Variants in TEX11 observed in about 807,000 individuals in gnomAD.
TEX11 encodes testis-expressed protein 11.
In TEX11, 7 loss-of-function variants were observed where a neutral mutation model predicts 84.4. The observed-to-expected ratio is 0.08, with a 90% CI of 0.05 to 0.16. TEX11 has a LOEUF of 0.16. TEX11 is among the 10% of genes least tolerant of loss of function. TEX11 has a pLI of 1.00. For missense variants in TEX11, 551 were observed against 660.5 expected, an observed-to-expected ratio of 0.83 and a Z score of 1.82; for synonymous variants, 264 against 222.8, an observed-to-expected ratio of 1.18 and a Z score of -1.64.
rs187802243 is a variant in TEX11 at position 70,691,344 on chromosome X, C to T, written c.1005-8519G>A. On this transcript the variant is annotated intron_variant, in intron 13 of 29. Coordinates refer to ENST00000374333, the MANE Select transcript of TEX11 (RefSeq NM_031276.3). ...TATCCAAAATAATTGAAAGCAGGGT[C>T]TCGAACAGATATTTGTGCACTCATA... 1.4e-3 allele frequency among the ~76,000 whole-genome samples: 155 copies of T among 111,957 alleles called. 1 individual carries two copies. The South Asian group carries it at 0.046, about 33-fold the overall frequency.
At position 70,797,132 on chromosome X, in the gene TEX11, A is replaced by G. The variant is rs187161130; in HGVS notation, c.692+9573T>C. On this transcript the variant is annotated intron_variant, in intron 9 of 29. Transcript: ENST00000374333. ...ACTGGGGATACAGCCAAAAGAAAAC[A>G]AATTGTTGTACCAAAAAGACACATG... 5.4e-3 allele frequency among the ~76,000 whole-genome samples: 610 copies of G among 112,056 alleles called. 2 individuals carry two copies. The highest frequency in any genetic ancestry group is 0.018 in the African/African-American group (566 of 30,916).
intron 13 of TEX11, among the ~76,000 whole-genome samples, chrX:70,710,845 T>A (rs1173716011): frequency 1.8e-5 from 2 of 111,043 alleles, no homozygotes; most frequent in Non-Finnish European, 3.8e-5. Context: ...TGTGCAGGTT[T>A]GTTACATATG....
intron 8 of TEX11, among the ~76,000 whole-genome samples, chrX:70,826,300 A>C (rs2091345883): frequency 9.3e-6 from 1 of 107,709 alleles, no homozygotes; most frequent in East Asian, 3.0e-4. Context: ...AACAAGAGCG[A>C]AACTCCTTGT....
At chrX:70,862,141 G>C (rs1162258295) in intron 4 of TEX11, among the ~76,000 whole-genome samples, 1 of 111,138 alleles carries the variant, frequency 9.0e-6, no homozygotes. Context: ...ATAGGTGTGA[G>C]CCACCACACC....
At chrX:70,568,490 C>T (rs2088530549) in intron 25 of TEX11, among the ~76,000 whole-genome samples, 1 of 110,279 alleles carries the variant, frequency 9.1e-6, no homozygotes, top group Non-Finnish European at 1.9e-5. Flanking sequence ...GATGCAGTTT[C>T]TTCCTAGTCT....
chrX:70,616,668 T>C (rs1374904725), intron 20 of TEX11, among the ~76,000 whole-genome samples: 2 of 112,059 alleles, frequency 1.8e-5, no homozygotes, highest in Non-Finnish European at 3.8e-5. Context: ...GTGGTACATA[T>C]ACACAATGGA....
intron 20 of TEX11, among the ~76,000 whole-genome samples, chrX:70,621,601 TAAA>T (rs1203916255): frequency 1.4e-4 from 10 of 69,508 alleles, no homozygotes; most frequent in Admixed American, 1.1e-3. Context: ...ATATTAAACT[TAAA>T]AAATAAAATG....
intron 8 of TEX11, among the ~76,000 whole-genome samples, chrX:70,830,259 G>C (rs1199588462): frequency 1.8e-5 from 2 of 111,571 alleles, no homozygotes; most frequent in East Asian, 2.8e-4. Flanking sequence ...AAAACTTTAA[G>C]GAGAGAGAAA....
intron 28 of TEX11, among the ~76,000 whole-genome samples, chrX:70,549,441 G>A (rs2088183546): frequency 9.0e-6 from 1 of 111,591 alleles, no homozygotes; most frequent in Non-Finnish European, 1.9e-5. Context: ...CAGCCACAGT[G>A]GGTTAGAGCA....
chrX:70,521,414 T>C, the TEX11 span, among the ~76,000 whole-genome samples: 2 of 110,586 alleles, frequency 1.8e-5, no homozygotes, highest in Non-Finnish European at 3.8e-5. Context: ...ATAGCTGATA[T>C]TACAGGCGCC....
intron 5 of TEX11, among the ~76,000 whole-genome samples, chrX:70,854,284 AC>A (rs1413593071): frequency 8.9e-6 from 1 of 111,773 alleles, no homozygotes; most frequent in Non-Finnish European, 1.9e-5. Context: ...TTAGGGATCA[AC>A]AAAGCCCAAA....
intron 8 of TEX11, among the ~76,000 whole-genome samples, chrX:70,813,413 A>G (rs1218173864): frequency 8.9e-6 from 1 of 111,835 alleles, no homozygotes; most frequent in Admixed American, 9.5e-5. Context: ...TCATGCTAAA[A>G]ACTCTCAATA....
intron 13 of TEX11, among the ~76,000 whole-genome samples, chrX:70,716,868 C>T (rs183864464): frequency 1.4e-4 from 16 of 112,399 alleles, no homozygotes; most frequent in African/African-American, 4.2e-4. Flanking sequence ...TCTTCTGCGT[C>T]GCTCACGCTG....
chrX:70,752,524 CAAAAA>C (rs753939405), intron 9 of TEX11, among the ~76,000 whole-genome samples: 2 of 28,191 alleles, frequency 7.1e-5, no homozygotes, highest in African/African-American at 2.4e-4. Context: ...TACTCTGTCT[CAAAAA>C]AAAAAAAAAA....
chrX:70,747,768 A>T (rs1039405864), intron 9 of TEX11, among the ~76,000 whole-genome samples: 3 of 111,166 alleles, frequency 2.7e-5, no homozygotes, highest in Non-Finnish European at 5.7e-5. Context: ...TTTTTTATAT[A>T]TTTTTTATTA....
chrX:70,574,307 C>A (rs1195507620), intron 25 of TEX11, among the ~76,000 whole-genome samples: 1 of 111,580 alleles, frequency 9.0e-6, no homozygotes, highest in Non-Finnish European at 1.9e-5. Flanking sequence ...TGAGCTTCCT[C>A]AAGTAAGAAA....
intron 13 of TEX11, among the ~76,000 whole-genome samples, chrX:70,685,144 G>A (rs4431752): frequency 0.38 from 42,104 of 110,847 alleles, 6,897 homozygotes; most frequent in African/African-American, 0.64. Flanking sequence ...TTGGTGGATC[G>A]CTTGAGGCCA....
chrX:70,583,056 G>C (rs1379517789), intron 25 of TEX11, among the ~76,000 whole-genome samples: 1 of 110,674 alleles, frequency 9.0e-6, no homozygotes, highest in Non-Finnish European at 1.9e-5. Flanking sequence ...GTTTAAATAG[G>C]TAACCAAGTA....
intron 25 of TEX11, among the ~76,000 whole-genome samples, chrX:70,558,271 G>A (rs1164611031): frequency 9.0e-6 from 1 of 111,586 alleles, no homozygotes. Context: ...AAAACAATGT[G>A]TCTGTGGTCA....
Sources: allele counts gnomAD v4.1 joint callset (sites outside exome capture counted in the v4.1 genomes callset), GRCh38; gene constraint gnomAD v4.1.1; transcripts MANE v1.5; gene names NCBI Gene and HGNC (gene_info 2026-07-23, HGNC 2026-07-21).